Variants in HIVEP3 observed in about 807,000 individuals in gnomAD.
HIVEP3 encodes the protein HIVEP zinc finger 3, also known as transcription factor HIVEP3.
In HIVEP3, 49 loss-of-function variants were observed where a neutral mutation model predicts 152.8. The ratio of observed to expected loss-of-function variants is 0.32; its 90% CI spans 0.26 to 0.41. The LOEUF (loss-of-function observed/expected upper bound fraction) is 0.41, where lower values mean the gene tolerates loss of function less well. HIVEP3 is among the 10% of genes least tolerant of loss of function. The probability of loss-of-function intolerance (pLI) is 1.00; values close to 1 mark genes in which losing one functional copy is unlikely to be tolerated. For missense variants in HIVEP3, 2,790 were observed against 3,103.3 expected (o/e 0.90, Z 2.40); for synonymous variants, 1,269 against 1,289.0 (o/e 0.98, Z 0.33).
At chr1:42,009,132 G>A (rs964667129) in intron 1 of HIVEP3, among the ~76,000 whole-genome samples, 4 of 152,140 alleles carry the variant, frequency 2.6e-5, no homozygotes, top group South Asian at 2.1e-4. Context: ...GGTGATGCCC[G>A]ACCTCTGAAT....
chr1:41,584,759 A>C lies in HIVEP3; in HGVS notation c.39T>G (p.Ala13=). ...PEQSVKGTKK[A]EGSPRKRLTK... ...TCAGCCGCTTCCGGGGACTTCCCTC[A>C]GCCTTCTTGGTGCCCTTGACACTTT... Residue 13 remains alanine (A), a synonymous_variant, in exon 4 of 9, where the codon GCT becomes GCG. Coordinates refer to ENST00000372583, the MANE Select transcript of HIVEP3 (RefSeq NM_024503.5). The surrounding 1 kb of genome is among the most constrained non-coding windows in gnomAD (Gnocchi z 5.2). 1 of 1,518,796 alleles carries C rather than the reference A, an allele frequency of 6.6e-7. No homozygotes were observed. The highest frequency in any genetic ancestry group is 8.8e-7 in the Non-Finnish European group (1 of 1,135,240). 94.1% of individuals were successfully genotyped at this position (1,518,796 alleles called of 1,614,324 possible).
At chr1:41,724,324 T>C (rs1300118417) in intron 1 of HIVEP3, among the ~76,000 whole-genome samples, 3 of 152,208 alleles carry the variant, frequency 2.0e-5, no homozygotes, top group East Asian at 1.9e-4. Context: ...CTGAGAACAG[T>C]TGGCAAAGCT....
intron 1 of HIVEP3, among the ~76,000 whole-genome samples, chr1:41,887,450 G>A (rs1557486754): frequency 6.6e-6 from 1 of 152,282 alleles, no homozygotes; most frequent in East Asian, 1.9e-4. Flanking sequence ...ATCCCTGGAG[G>A]TGAAATAACT....
intron 3 of HIVEP3, among the ~76,000 whole-genome samples, chr1:41,625,751 A>T (rs980234780): frequency 6.6e-6 from 1 of 152,190 alleles, no homozygotes; most frequent in African/African-American, 2.4e-5. Flanking sequence ...ATAAATAAAT[A>T]AAGTCTTTTG....
At chr1:41,529,757 C>T (rs1390755419) in intron 5 of HIVEP3, among the ~76,000 whole-genome samples, 1 of 149,728 alleles carries the variant, frequency 6.7e-6, no homozygotes, top group Admixed American at 6.7e-5. Flanking sequence ...TCCACACACA[C>T]CCCCAGACTC....
intron 3 of HIVEP3, among the ~76,000 whole-genome samples, chr1:41,610,199 G>T (rs1337087650): frequency 6.6e-6 from 1 of 152,102 alleles, no homozygotes; most frequent in Non-Finnish European, 1.5e-5. Flanking sequence ...TACACAATTG[G>T]TTCTGTTTCT....
chr1:42,034,446 C>G (rs966408731), intron 1 of HIVEP3, among the ~76,000 whole-genome samples: 1 of 152,136 alleles, frequency 6.6e-6, no homozygotes, highest in African/African-American at 2.4e-5. Flanking sequence ...ATTATAGAAA[C>G]ACTATTAAAA....
chr1:41,901,352 C>T (rs1240264627), intron 1 of HIVEP3, among the ~76,000 whole-genome samples: 1 of 152,048 alleles, frequency 6.6e-6, no homozygotes, highest in Non-Finnish European at 1.5e-5. Context: ...ACAATCAGTT[C>T]TTCCAAAGAG....
At chr1:42,035,728 G>C (rs1156795040) in intron 1 of HIVEP3, 2 of 151,894 alleles carry the variant, frequency 1.3e-5, no homozygotes, top group Non-Finnish European at 2.9e-5. Context: ...GCGCTGACAC[G>C]GCCCGGAGAG....
At chr1:42,007,822 A>T (rs1645469071) in intron 1 of HIVEP3, among the ~76,000 whole-genome samples, 1 of 16,990 alleles carries the variant, frequency 5.9e-5, no homozygotes, top group African/African-American at 1.4e-4. Context: ...TCATTTGCTT[A>T]AAAAAATGAG....
At chr1:41,955,504 A>C (rs1450255639) in intron 1 of HIVEP3, among the ~76,000 whole-genome samples, 3 of 152,102 alleles carry the variant, frequency 2.0e-5, no homozygotes, top group Non-Finnish European at 4.4e-5. Context: ...ACAAAAAAAA[A>C]CCCCTCATAT....
rs1642516399 is a variant in HIVEP3 at position 41,513,599 on chromosome 1, C to G, written c.5622G>C (p.Leu1874=). 6.2e-7 allele frequency: 1 copy of G among 1,613,716 alleles called. No individual in the cohort carries two copies. Among genetic ancestry groups the G allele is most frequent in the Admixed American group, 1.7e-5 (1 of 59,994 alleles). ...GGGGCGCCTCTGAGGATGGTCTGGACAGCTCATCCTGGCTCTCCTCCTCAT... is the reference window on the plus strand; with the variant it reads ...GGGGCGCCTCTGAGGATGGTCTGGAGAGCTCATCCTGGCTCTCCTCCTCAT... The part of the protein sequence containing the change: ...DEDEEESQDE[L]SRPSSEAPPP... Residue 1874 remains leucine, a synonymous_variant, in exon 8 of 9, where the codon CTG becomes CTC. Coordinates refer to ENST00000372583, the MANE Select transcript of HIVEP3 (RefSeq NM_024503.5).
Position 41,580,089 on chromosome 1 carries a change from G to A in HIVEP3, c.4709C>T (p.Ser1570Phe). 6.2e-7 allele frequency: 1 copy of A among 1,614,238 alleles called. No homozygotes were observed. The highest frequency in any genetic ancestry group is 2.2e-5 in the East Asian group (1 of 44,892). Residue 1570 changes from serine (S) to phenylalanine (F), a missense_variant, in exon 4 of 9, where the codon TCT becomes TTT. Around this residue, in one of 9 missense-constraint regions of HIVEP3, gnomAD observed 1,078 missense variants for 1,165.3 expected, o/e 0.93. Transcript: ENST00000372583. ...PDLPSLAPPS[S>F]LPLSETSSRP... is the part of the protein sequence containing the mutation. ...GGAGGACGTTTCTGACAGAGGCAGA[G>A]AGCTCGGAGGTGCCAAGGAGGGGAG...
At chr1:41,516,489 C>A (rs1642610572) in intron 7 of HIVEP3, among the ~76,000 whole-genome samples, 1 of 152,218 alleles carries the variant, frequency 6.6e-6, no homozygotes, top group African/African-American at 2.4e-5. Context: ...TCTTCCCCCT[C>A]TCTTCTGCCC....
intron 5 of HIVEP3, among the ~76,000 whole-genome samples, chr1:41,531,012 G>A (rs1458956564): frequency 1.3e-5 from 2 of 152,194 alleles, no homozygotes; most frequent in Non-Finnish European, 2.9e-5. Flanking sequence ...TGAGGCCAGG[G>A]ATGACAGGAG....
Position 41,583,578 on chromosome 1 carries a change from G to T in HIVEP3, c.1220C>A (p.Pro407Gln), listed in dbSNP as rs748530195. 5 of 1,613,968 alleles carry T rather than the reference G, an allele frequency of 3.1e-6. No individual in the cohort carries two copies. In the African/African-American group the frequency reaches 5.3e-5, roughly 17 times the overall value. The change falls in exon 4 of 9, where the codon CCA becomes CAA. Residue 407 changes from proline (P) to glutamine (Q), a missense_variant. Physicochemically the swap from Pro to Gln is moderately conservative, Grantham distance 76 (BLOSUM62 -1). This residue lies in a region of HIVEP3 where 134 missense variants were observed against 242.5 expected (regional missense o/e 0.55). Coordinates refer to ENST00000372583, the MANE Select transcript of HIVEP3 (RefSeq NM_024503.5). This position sits in a 1 kb window ranked among gnomAD's most constrained non-coding sequence, Gnocchi z 6.9. ...SESAEQQVSP[P>Q]NTNAKSYAEI... ...AGCGTAGGACTTGGCGTTGGTGTTT[G>T]GGGGGCTGACCTGCTGCTCTGCACT...
chr1:41,949,471 G>A (rs1645093382), intron 1 of HIVEP3, among the ~76,000 whole-genome samples: 1 of 152,084 alleles, frequency 6.6e-6, no homozygotes, highest in Non-Finnish European at 1.5e-5. Context: ...TAGACTTTAG[G>A]CTAATCGCCA....
chr1:41,648,250 C>A (rs1204625893), intron 2 of HIVEP3, among the ~76,000 whole-genome samples: 1 of 152,258 alleles, frequency 6.6e-6, no homozygotes, highest in African/African-American at 2.4e-5. Flanking sequence ...TGTCTTTCAT[C>A]CTAGTCCGAC....
intron 1 of HIVEP3, among the ~76,000 whole-genome samples, chr1:41,799,061 C>T (rs911916717): frequency 2.0e-5 from 3 of 152,222 alleles, no homozygotes; most frequent in African/African-American, 7.2e-5. Context: ...TTCTCAGAAC[C>T]TTTAATATCC....
Sources: allele counts gnomAD v4.1 joint callset (sites outside exome capture counted in the v4.1 genomes callset), GRCh38; gene constraint gnomAD v4.1.1; regional missense constraint gnomAD v4.1.1; non-coding constraint Gnocchi (gnomAD v3.1); transcripts MANE v1.5; gene names NCBI Gene and HGNC (gene_info 2026-07-23, HGNC 2026-07-21).